SPAG16: variants seen among roughly 807,000 people sequenced by gnomAD.
SPAG16 encodes the protein sperm-associated antigen 16 protein.
A neutral mutation model predicts 80.4 loss-of-function variants in SPAG16; 86 were observed. That is an observed-to-expected ratio of 1.07 (90% CI 0.90 to 1.28). SPAG16 has a LOEUF of 1.28. SPAG16 is among the 50% of genes most tolerant of loss of function. The pLI, the probability that SPAG16 is intolerant of heterozygous loss-of-function variation, is 0.00. For synonymous variants in SPAG16, 294 were observed against 265.9 expected (o/e 1.11, Z -1.03); for missense variants, 870 against 765.3 (o/e 1.14, Z -1.61).
intron 5 of SPAG16, among the ~76,000 whole-genome samples, chr2:213,338,794 T>G (rs984572164): frequency 6.6e-6 from 1 of 152,124 alleles, no homozygotes; most frequent in African/African-American, 2.4e-5. Context: ...TTCTCACTTA[T>G]AAGTGGGAGC....
chr2:213,572,819 G>C (rs553944630), intron 10 of SPAG16, among the ~76,000 whole-genome samples: 85 of 152,236 alleles, frequency 5.6e-4, no homozygotes, highest in African/African-American at 2.0e-3. Flanking sequence ...GGGCAATGGC[G>C]GGCGCCCCTC....
At chr2:213,633,449 T>C (rs12618011) in intron 10 of SPAG16, among the ~76,000 whole-genome samples, 13 of 152,206 alleles carry the variant, frequency 8.5e-5, no homozygotes, top group African/African-American at 3.1e-4. Flanking sequence ...TAATATATAG[T>C]CTATCATTGA....
At chr2:213,900,537 T>G (rs2077178377) in intron 11 of SPAG16, among the ~76,000 whole-genome samples, 2 of 152,314 alleles carry the variant, frequency 1.3e-5, no homozygotes, top group Non-Finnish European at 2.9e-5. Flanking sequence ...AATACACGAT[T>G]ATTTTTCTAA....
chr2:213,637,850 G>A (rs370153291), intron 10 of SPAG16, among the ~76,000 whole-genome samples: 3 of 152,060 alleles, frequency 2.0e-5, no homozygotes, highest in African/African-American at 4.8e-5. Flanking sequence ...TCTGACTCCC[G>A]GGTTCATGCC....
chr2:213,303,577 G>C (rs534763869), intron 3 of SPAG16, among the ~76,000 whole-genome samples: 4 of 151,576 alleles, frequency 2.6e-5, no homozygotes, highest in Non-Finnish European at 4.4e-5. Context: ...CTCTGCCTTC[G>C]TGAGTTCAAT....
In SPAG16 at chr2:214,387,720, A is replaced by G. The variant is rs1574479880; in HGVS notation, c.1721-22420A>G. On this transcript the variant is annotated intron_variant, in intron 15 of 15. Coordinates refer to ENST00000331683, the MANE Select transcript of SPAG16 (RefSeq NM_024532.5). ...TCATGGTAGAAGGGGAAGCAAACAC[A>G]TCCTTCTTCACAGGGCAGCAGAAAG... Among the ~76,000 whole-genome samples, 7 of 152,298 alleles carry G rather than the reference A, an allele frequency of 4.6e-5. No homozygotes were observed. The South Asian group carries it at 1.4e-3, about 32-fold the overall frequency.
intron 10 of SPAG16, among the ~76,000 whole-genome samples, chr2:213,665,384 A>C (rs1227285002): frequency 6.7e-6 from 1 of 148,952 alleles, no homozygotes; most frequent in African/African-American, 2.6e-5. Context: ...ACACACACAC[A>C]TACACACACA....
At chr2:214,092,744 T>C (rs2052306650) in intron 13 of SPAG16, among the ~76,000 whole-genome samples, 1 of 152,064 alleles carries the variant, frequency 6.6e-6, no homozygotes, top group African/African-American at 2.4e-5. Flanking sequence ...GGAGCTGAAA[T>C]TGCAATTTCC....
intron 13 of SPAG16, among the ~76,000 whole-genome samples, chr2:214,060,826 A>G (rs1308495472): frequency 6.6e-6 from 1 of 152,204 alleles, no homozygotes; most frequent in Admixed American, 6.6e-5. Context: ...GAGAGGATTC[A>G]GAAAATTCCT....
intron 15 of SPAG16, among the ~76,000 whole-genome samples, chr2:214,249,746 G>C (rs890208390): frequency 1.4e-5 from 2 of 142,440 alleles, no homozygotes; most frequent in Admixed American, 1.4e-4. Context: ...AAAAAGTTTA[G>C]TTCAAAGATT....
chr2:214,356,687 C>T (rs1698826969), intron 15 of SPAG16, among the ~76,000 whole-genome samples: 1 of 151,992 alleles, frequency 6.6e-6, no homozygotes, highest in African/African-American at 2.4e-5. Context: ...CATGTTAACT[C>T]TTCAGAACCA....
At chr2:213,845,286 C>T (rs2074561369) in intron 10 of SPAG16, among the ~76,000 whole-genome samples, 1 of 151,230 alleles carries the variant, frequency 6.6e-6, no homozygotes. Context: ...CAACCTCCAT[C>T]TCCTGGGTTC....
chr2:214,167,324 C>A (rs2056695008), intron 15 of SPAG16, among the ~76,000 whole-genome samples: 1 of 152,074 alleles, frequency 6.6e-6, no homozygotes, highest in Non-Finnish European at 1.5e-5. Flanking sequence ...TCTATTACTG[C>A]CAGCAGACAG....
rs191848975 is a variant in SPAG16 at position 214,068,799 on chromosome 2, A to G, written c.1528-39397A>G. On this transcript the variant is annotated intron_variant, in intron 13 of 15. Coordinates refer to ENST00000331683, the MANE Select transcript of SPAG16 (RefSeq NM_024532.5). ...GCCTTTCTTCCGAAGCAGAATTTTA[A>G]TGAGAGCATTATTTATAACGGAGAG... is the stretch of plus-strand genomic sequence containing the variant. 9.8e-4 allele frequency among the ~76,000 whole-genome samples: 149 copies of G among 152,240 alleles called. 1 individual carries two copies. The highest frequency in any genetic ancestry group is 1.9e-3 in the Non-Finnish European group (127 of 67,988).
chr2:213,850,251 G>A (rs4503943), intron 10 of SPAG16, among the ~76,000 whole-genome samples: 52,684 of 152,010 alleles, frequency 0.35, 9,684 homozygotes, highest in East Asian at 0.53. Context: ...GTGGATTGTC[G>A]GAAAACTAGA....
chr2:214,113,900 G>C (rs1348781474), intron 14 of SPAG16, among the ~76,000 whole-genome samples: 1 of 152,180 alleles, frequency 6.6e-6, no homozygotes, highest in Non-Finnish European at 1.5e-5. Flanking sequence ...GAGGAGAAGA[G>C]GTGCTCTGGT....
chr2:213,713,327 AAG>A (rs2066089417), intron 10 of SPAG16, among the ~76,000 whole-genome samples: 1 of 152,170 alleles, frequency 6.6e-6, no homozygotes, highest in Non-Finnish European at 1.5e-5. Flanking sequence ...GTTGCCACAC[AAG>A]AGAGAGAACT....
At chr2:213,779,243 C>T in intron 10 of SPAG16, among the ~76,000 whole-genome samples, 1 of 152,116 alleles carries the variant, frequency 6.6e-6, no homozygotes, top group African/African-American at 2.4e-5. Context: ...TTAAATACGT[C>T]TGTTTCTTCT....
chr2:214,068,316 T>C (rs1559755070), intron 13 of SPAG16, among the ~76,000 whole-genome samples: 3 of 152,190 alleles, frequency 2.0e-5, no homozygotes, highest in Admixed American at 2.0e-4. Context: ...TAAGCACTAT[T>C]GGTGTGTACT....
Sources: gnomAD v4.1 joint callset for allele counts (sites outside exome capture counted in the v4.1 genomes callset) on GRCh38, gnomAD v4.1.1 for gene constraint, MANE v1.5 for transcripts, NCBI Gene and HGNC (gene_info 2026-07-23, HGNC 2026-07-21) for gene names.